COBLL1: variants seen among roughly 807,000 people sequenced by gnomAD.
COBLL1 encodes the protein cordon-bleu protein-like 1.
A neutral mutation model predicts 94.8 loss-of-function variants in COBLL1; 50 were observed. The observed-to-expected ratio is 0.53, with a 90% CI of 0.42 to 0.67. The LOEUF (loss-of-function observed/expected upper bound fraction) is 0.67. COBLL1 is among the 30% of genes least tolerant of loss of function. The pLI is 0.00. For missense variants in COBLL1, 1,362 were observed against 1,348.7 expected (o/e 1.01, Z -0.15); for synonymous variants, 448 against 473.8 (o/e 0.95, Z 0.71).
rs529167845 is a variant in COBLL1, at chr2:164,746,600, C to T, written c.42-2725G>A. 1.4e-4 allele frequency among the ~76,000 whole-genome samples: 22 copies of T among 152,142 alleles called. No individual in the cohort carries two copies. In the East Asian group the frequency reaches 4.1e-3, roughly 28 times the overall value. On this transcript the variant is annotated intron_variant, in intron 2 of 13. Transcript: ENST00000652658. ...TAAACCCATCACAGAATCAGAAAATCATAATTCAAACCATCATAAATCCAG... is the reference window on the plus strand; with the variant it reads ...TAAACCCATCACAGAATCAGAAAATTATAATTCAAACCATCATAAATCCAG...
chr2:164,780,221 T>G (rs946694012), intron 2 of COBLL1, among the ~76,000 whole-genome samples: 1 of 152,120 alleles, frequency 6.6e-6, no homozygotes, highest in African/African-American at 2.4e-5. Flanking sequence ...TAACCGCCAC[T>G]AAGGGGACTG....
At chr2:164,803,327 A>G (rs1184442014) in intron 2 of COBLL1, among the ~76,000 whole-genome samples, 2 of 152,084 alleles carry the variant, frequency 1.3e-5, no homozygotes, top group Non-Finnish European at 2.9e-5. Flanking sequence ...GCACTTTGGG[A>G]GGCCGAGGCG....
chr2:164,687,500 G>T, intron 13 of COBLL1: 1 of 1,460,190 alleles, frequency 6.8e-7, no homozygotes, highest in Non-Finnish European at 9.5e-7. Context: ...TTGTTCTGCA[G>T]CTTGGTGCGG....
intron 4 of COBLL1, among the ~76,000 whole-genome samples, chr2:164,729,700 T>C (rs1201281511): frequency 1.3e-5 from 2 of 152,190 alleles, no homozygotes; most frequent in African/African-American, 2.4e-5. Flanking sequence ...TATGCAATCA[T>C]ATTGATCATT....
At chr2:164,802,519 G>A (rs1683861750) in intron 2 of COBLL1, among the ~76,000 whole-genome samples, 1 of 138,418 alleles carries the variant, frequency 7.2e-6, no homozygotes, top group African/African-American at 2.9e-5. Flanking sequence ...AGTGAGAGAG[G>A]GATTTTGCTG....
rs1011860684 is a variant in COBLL1, at chr2:164,695,257, T to C, written c.2135A>G (p.Asn712Ser). The change falls in exon 12 of 14, where the codon AAT becomes AGT. Residue 712 changes from asparagine to serine, a missense_variant. By Grantham distance (46) the Asn-to-Ser change is conservative. Transcript: ENST00000652658. ...KNYPLYRQDY[N>S]PKPKPSNEIT... ...TTCATTTGAAGGTTTTGGCTTGGGA[T>C]TGTAGTCCTGTCTATAAAGTGGGTA... 4 of 1,613,784 alleles carry C rather than the reference T, an allele frequency of 2.5e-6. No individual in the cohort carries two copies. The highest frequency in any genetic ancestry group is 3.4e-6 in the Non-Finnish European group (4 of 1,179,924).
intron 2 of COBLL1, among the ~76,000 whole-genome samples, chr2:164,829,545 T>C (rs1436719004): frequency 6.6e-6 from 1 of 152,080 alleles, no homozygotes; most frequent in Non-Finnish European, 1.5e-5. Context: ...TGAAGAGAAC[T>C]CCATGAAATT....
At chr2:164,740,922 G>A (rs1558970823) in intron 3 of COBLL1, among the ~76,000 whole-genome samples, 1 of 152,048 alleles carries the variant, frequency 6.6e-6, no homozygotes, top group East Asian at 1.9e-4. Context: ...TGAGGTGAAA[G>A]AAATAGAGTA....
chr2:164,779,288 A>G (rs1387481814), intron 2 of COBLL1, among the ~76,000 whole-genome samples: 2 of 152,142 alleles, frequency 1.3e-5, no homozygotes. Flanking sequence ...GATAAACAGT[A>G]CGAATCATGG....
intron 7 of COBLL1, among the ~76,000 whole-genome samples, chr2:164,709,385 T>C (rs754391806): frequency 2.6e-5 from 4 of 152,140 alleles, no homozygotes; most frequent in African/African-American, 7.2e-5. Context: ...TAAATGGATA[T>C]GCATTACTAA....
At chr2:164,707,568 T>C (rs935847965) in intron 7 of COBLL1, among the ~76,000 whole-genome samples, 6 of 152,208 alleles carry the variant, frequency 3.9e-5, no homozygotes, top group Non-Finnish European at 7.3e-5. Flanking sequence ...ATTTGCCTTG[T>C]ACATTGTCTG....
intron 12 of COBLL1, among the ~76,000 whole-genome samples, chr2:164,693,637 T>C (rs547355974): frequency 6.6e-5 from 10 of 152,224 alleles, no homozygotes; most frequent in Non-Finnish European, 7.4e-5. Context: ...TATTTAAGGT[T>C]AGATAGTGGT....
At chr2:164,751,981 T>A (rs889611880) in intron 2 of COBLL1, among the ~76,000 whole-genome samples, 1 of 152,140 alleles carries the variant, frequency 6.6e-6, no homozygotes, top group Admixed American at 6.5e-5. Context: ...AATAATCTAA[T>A]TTTTCATTTT....
chr2:164,741,666 G>A (rs1255893346), intron 3 of COBLL1, among the ~76,000 whole-genome samples: 2 of 152,046 alleles, frequency 1.3e-5, no homozygotes, highest in African/African-American at 2.4e-5. Context: ...ACAGTTGGTG[G>A]CCCAGAAACA....
At chr2:164,663,878 A>C (rs753972596) in intron 2 of COBLL1, among the ~76,000 whole-genome samples, 32 of 152,320 alleles carry the variant, frequency 2.1e-4, no homozygotes, top group Non-Finnish European at 4.0e-4. Context: ...GATAAATGGA[A>C]GCCCAAACTT....
At chr2:164,744,329 T>C (rs56378634) in intron 2 of COBLL1, among the ~76,000 whole-genome samples, 9,770 of 152,186 alleles carry the variant, frequency 0.064, 393 homozygotes, top group African/African-American at 0.13. Context: ...CACCTCTCGA[T>C]TCAGACAAAC....
chr2:164,781,079 T>G (rs1451945752), intron 2 of COBLL1, among the ~76,000 whole-genome samples: 1 of 152,232 alleles, frequency 6.6e-6, no homozygotes, highest in East Asian at 1.9e-4. Context: ...TTCATAATGT[T>G]GCACTGTAAT....
intron 2 of COBLL1, among the ~76,000 whole-genome samples, chr2:164,805,336 T>TAAATATATATAAATATATATGTATAA (rs1559033598): frequency 3.3e-5 from 2 of 60,336 alleles, no homozygotes; most frequent in African/African-American, 1.3e-4. Flanking sequence ...TCTCTCTCTC[T>TAAATATATATAAATATATATGTATAA]CTATATATAT....
chr2:164,707,074 C>T (rs917513976), intron 7 of COBLL1, among the ~76,000 whole-genome samples: 4 of 152,138 alleles, frequency 2.6e-5, no homozygotes, highest in African/African-American at 7.2e-5. Flanking sequence ...ACCCTTACTG[C>T]TCCCTGTGCC....
Sources: gnomAD v4.1 joint callset for allele counts (sites outside exome capture counted in the v4.1 genomes callset) on GRCh38, gnomAD v4.1.1 for gene constraint, MANE v1.5 for transcripts, NCBI Gene and HGNC (gene_info 2026-07-23, HGNC 2026-07-21) for gene names.